The following SORBS2 variants were observed in gnomAD, a reference collection of about 807,000 sequenced individuals.
SORBS2 encodes sorbin and SH3 domain-containing protein 2.
A neutral mutation model predicts 97.7 loss-of-function variants in SORBS2; 46 were observed. The observed-to-expected ratio is 0.47, with a 90% confidence interval of 0.37 to 0.60. The LOEUF (loss-of-function observed/expected upper bound fraction) is 0.60. Among genes scored for constraint, SORBS2 ranks in the 20% least tolerant of loss-of-function variants. The pLI is 0.00. For missense variants in SORBS2, 1,316 were observed against 1,282.3 expected, an observed-to-expected ratio of 1.03 and a Z score of -0.40; for synonymous variants, 476 against 473.4, an observed-to-expected ratio of 1.01 and a Z score of -0.07.
chr4:185,672,795 A>G (rs971741174), intron 4 of SORBS2, among the ~76,000 whole-genome samples: 3 of 152,180 alleles, frequency 2.0e-5, no homozygotes, highest in Non-Finnish European at 4.4e-5. Context: ...TGGAGCACAT[A>G]TTTGGCTGAC....
At chr4:185,699,389 C>G (rs181607864) in intron 2 of SORBS2, among the ~76,000 whole-genome samples, 5 of 148,978 alleles carry the variant, frequency 3.4e-5, no homozygotes, top group Admixed American at 1.4e-4. Flanking sequence ...CAGGTTCGAG[C>G]AATTCTCCTG....
At chr4:185,809,482 A>AAAAAAAAAAAAAAAAC (rs1561170208) in intron 1 of SORBS2, among the ~76,000 whole-genome samples, 2 of 147,894 alleles carry the variant, frequency 1.4e-5, no homozygotes, top group Non-Finnish European at 3.0e-5. Flanking sequence ...AAAAAAAAAA[A>AAAAAAAAAAAAAAAAC]TCTGATATAG....
intron 2 of SORBS2, among the ~76,000 whole-genome samples, chr4:185,747,388 C>A (rs1490507818): frequency 1.3e-5 from 2 of 152,198 alleles, no homozygotes; most frequent in Non-Finnish European, 2.9e-5. Context: ...ATTGTAGGAC[C>A]AGTAATTTGA....
chr4:185,891,616 C>T (rs1452346108), intron 1 of SORBS2, among the ~76,000 whole-genome samples: 1 of 152,160 alleles, frequency 6.6e-6, no homozygotes, highest in Non-Finnish European at 1.5e-5. Context: ...ACCCACCAAC[C>T]AGCTATGAGG....
chr4:185,783,935 G>A (rs1464484861), intron 1 of SORBS2, among the ~76,000 whole-genome samples: 1 of 152,120 alleles, frequency 6.6e-6, no homozygotes, highest in Non-Finnish European at 1.5e-5. Context: ...AAGAGGTGTG[G>A]TAGACACTTC....
At chr4:185,657,554 C>G (rs748180911), upstream of SORBS2, 1 of 1,581,394 alleles carries the variant, frequency 6.3e-7, no homozygotes, top group Non-Finnish European at 8.6e-7. Flanking sequence ...GCTGGTGGTG[C>G]CATCCAGAGA....
intron 3 of SORBS2, 62 bp downstream of exon 6, chr4:185,678,734 A>C: frequency 8.1e-7 from 1 of 1,230,234 alleles, no homozygotes; most frequent in South Asian, 1.6e-5. Context: ...CGATGTGGCT[A>C]TGAATATGTT....
intron 1 of SORBS2, among the ~76,000 whole-genome samples, chr4:185,952,151 A>G (rs1419002779): frequency 6.6e-6 from 1 of 151,976 alleles, no homozygotes; most frequent in Admixed American, 6.6e-5. Flanking sequence ...CAGCCTCCCA[A>G]GTAGCTGGGA....
At chr4:185,612,187 T>G (rs940003138) in intron 11 of SORBS2, among the ~76,000 whole-genome samples, 1 of 152,224 alleles carries the variant, frequency 6.6e-6, no homozygotes, top group East Asian at 1.9e-4. Context: ...AAATGTCCAT[T>G]CAGGCCATCA....
At chr4:185,822,528 T>C (rs1057235206) in intron 1 of SORBS2, among the ~76,000 whole-genome samples, 4 of 152,228 alleles carry the variant, frequency 2.6e-5, no homozygotes, top group South Asian at 2.1e-4. Flanking sequence ...GGCAGAGACA[T>C]TGTTTCTGGG....
chr4:185,625,036 A>G (rs1479847667), intron 6 of SORBS2, among the ~76,000 whole-genome samples: 1 of 152,250 alleles, frequency 6.6e-6, no homozygotes, highest in Non-Finnish European at 1.5e-5. Flanking sequence ...TTTAGATTTT[A>G]AAAGCTATAA....
chr4:185,651,113 G>A (rs1003508103), intron 2 of SORBS2, among the ~76,000 whole-genome samples: 7 of 152,202 alleles, frequency 4.6e-5, no homozygotes, highest in African/African-American at 1.7e-4. Flanking sequence ...GCCTGTGACT[G>A]GGCAGGGAGA....
At chr4:185,900,878 C>A (rs2099247372) in intron 1 of SORBS2, among the ~76,000 whole-genome samples, 1 of 152,080 alleles carries the variant, frequency 6.6e-6, no homozygotes. Flanking sequence ...TAATCTACAG[C>A]CCAAGGATAG....
chr4:185,678,723 G>GC, intron 3 of SORBS2, 73 bp downstream of exon 6: 1 of 1,173,764 alleles, frequency 8.5e-7, no homozygotes. Context: ...CATGAAGTCA[G>GC]CGATGTGGCT....
intron 1 of SORBS2, among the ~76,000 whole-genome samples, chr4:185,791,130 T>G (rs966216499): frequency 6.6e-6 from 1 of 152,248 alleles, no homozygotes; most frequent in Admixed American, 6.5e-5. Context: ...TAATTTTCAA[T>G]ACTTAAAACC....
chr4:185,726,295 C>A (rs2098554057), intron 2 of SORBS2, among the ~76,000 whole-genome samples: 1 of 152,112 alleles, frequency 6.6e-6, no homozygotes, highest in East Asian at 1.9e-4. Context: ...CTTTTCTGTG[C>A]CACTTCATCT....
chr4:185,716,961 T>A (rs2098470538), intron 2 of SORBS2, among the ~76,000 whole-genome samples: 1 of 152,172 alleles, frequency 6.6e-6, no homozygotes, highest in Non-Finnish European at 1.5e-5. Flanking sequence ...TGATTACTAG[T>A]GACATTTAAT....
At chr4:185,664,144 G>A (rs1346363374) in intron 4 of SORBS2, among the ~76,000 whole-genome samples, 3 of 151,958 alleles carry the variant, frequency 2.0e-5, no homozygotes, top group Admixed American at 2.0e-4. Context: ...GTGAGCCACC[G>A]CGCCCGGCCT....
intron 1 of SORBS2, among the ~76,000 whole-genome samples, chr4:185,853,797 A>G (rs1194133808): frequency 6.6e-6 from 1 of 152,230 alleles, no homozygotes; most frequent in Admixed American, 6.5e-5. Context: ...ACCTGGAATG[A>G]GTTTTGAGGA....
Sources: allele counts gnomAD v4.1 joint callset (sites outside exome capture counted in the v4.1 genomes callset), GRCh38; gene constraint gnomAD v4.1.1; transcripts MANE v1.5; gene names NCBI Gene and HGNC (gene_info 2026-07-23, HGNC 2026-07-21).